GRIP1: variants seen among roughly 807,000 people sequenced by gnomAD.
GRIP1 encodes glutamate receptor-interacting protein 1.
GRIP1 carries 45 observed loss-of-function variants against 129.9 expected under a neutral mutation model. That is an observed-to-expected ratio of 0.35 (90% CI 0.27 to 0.44). The LOEUF is 0.44. Among genes scored for constraint, GRIP1 ranks in the 20% least tolerant of loss-of-function variants. GRIP1 has a pLI of 1.00. For synonymous variants in GRIP1, 530 were observed against 520.8 expected (o/e 1.02, Z -0.24); for missense variants, 1,196 against 1,396.8 (o/e 0.86, Z 2.29).
chr12:66,604,262 T>C (rs1176226590), intron 1 of GRIP1, among the ~76,000 whole-genome samples: 1 of 152,220 alleles, frequency 6.6e-6, no homozygotes, highest in Non-Finnish European at 1.5e-5. Flanking sequence ...GGGAAAGTAA[T>C]ATCTTTAGCC....
intron 15 of GRIP1, among the ~76,000 whole-genome samples, chr12:66,416,241 A>G (rs961104665): frequency 2.6e-5 from 4 of 152,192 alleles, no homozygotes; most frequent in Non-Finnish European, 4.4e-5. Context: ...ACTAAAGCCA[A>G]TGAGATACAG....
At chr12:66,485,095 A>G (rs1321747832) in intron 7 of GRIP1, among the ~76,000 whole-genome samples, 1 of 152,214 alleles carries the variant, frequency 6.6e-6, no homozygotes, top group African/African-American at 2.4e-5. Flanking sequence ...GCTTCAGCAG[A>G]TACTGTCAAA....
chr12:66,682,477 T>C (rs1300950093), upstream of GRIP1, among the ~76,000 whole-genome samples: 1 of 152,154 alleles, frequency 6.6e-6, no homozygotes, highest in Non-Finnish European at 1.5e-5. Flanking sequence ...AGGGGGTGGG[T>C]TGTGGTGTAT....
At chr12:66,565,009 G>A (rs563284512) in intron 2 of GRIP1, among the ~76,000 whole-genome samples, 24 of 152,290 alleles carry the variant, frequency 1.6e-4, no homozygotes, top group African/African-American at 5.5e-4. Context: ...ATTCTTTGTA[G>A]ATTCTGGATA....
intron 1 of GRIP1, chr12:66,891,768 AG>A (rs1275319113): frequency 6.6e-6 from 1 of 152,230 alleles, no homozygotes; most frequent in African/African-American, 2.4e-5. Context: ...CTGACAGATG[AG>A]GAGATGCCAT....
intron 1 of GRIP1, among the ~76,000 whole-genome samples, chr12:67,040,077 C>T (rs2043153156): frequency 6.6e-6 from 1 of 152,172 alleles, no homozygotes; most frequent in South Asian, 2.1e-4. Flanking sequence ...AGCCTCTACG[C>T]TGCTTTCGTC....
At chr12:66,508,818 C>A (rs962414241) in intron 7 of GRIP1, among the ~76,000 whole-genome samples, 2 of 152,216 alleles carry the variant, frequency 1.3e-5, no homozygotes, top group African/African-American at 4.8e-5. Flanking sequence ...TGGTTACTGA[C>A]TGCCGTCTGT....
chr12:66,781,717 A>C (rs919225543), intron 1 of GRIP1, among the ~76,000 whole-genome samples: 4 of 152,232 alleles, frequency 2.6e-5, no homozygotes, highest in African/African-American at 9.6e-5. Flanking sequence ...AGCATCACTG[A>C]GGTAGAAGAT....
At chr12:66,900,465 A>G (rs2040826579) in intron 1 of GRIP1, among the ~76,000 whole-genome samples, 1 of 152,114 alleles carries the variant, frequency 6.6e-6, no homozygotes, top group South Asian at 2.1e-4. Context: ...TTGATCTTGG[A>G]CTTCCTAGCC....
At chr12:66,798,571 T>C (rs2038767455) in intron 1 of GRIP1, among the ~76,000 whole-genome samples, 1 of 152,198 alleles carries the variant, frequency 6.6e-6, no homozygotes. Flanking sequence ...AGCTGGGATA[T>C]TGAAGAAGGA....
chr12:66,351,818 G>A (rs2054239702), intron 24 of GRIP1, among the ~76,000 whole-genome samples: 1 of 152,154 alleles, frequency 6.6e-6, no homozygotes, highest in African/African-American at 2.4e-5. Context: ...GAATCACTGG[G>A]GGAGGTGTAA....
intron 1 of GRIP1, among the ~76,000 whole-genome samples, chr12:66,888,300 A>G (rs1413893329): frequency 6.6e-6 from 1 of 151,924 alleles, no homozygotes; most frequent in East Asian, 1.9e-4. Flanking sequence ...GACTCAAGCA[A>G]TCATCTTACC....
At chr12:66,673,899 T>C (rs1251316001) in intron 1 of GRIP1, among the ~76,000 whole-genome samples, 1 of 152,200 alleles carries the variant, frequency 6.6e-6, no homozygotes, top group African/African-American at 2.4e-5. Flanking sequence ...GAAATATCTA[T>C]TAAGTGCATA....
In GRIP1 at chr12:66,728,606, T is replaced by C. The variant is rs541989048; in HGVS notation, c.-420+75447A>G. ...AGGTTCACAGGTACTTTTAAACCAT[T>C]ATACTCAGAAAAGAAACTGAGAATT... On this transcript the variant is annotated intron_variant, in intron 1 of 4. Coordinates refer to the GRIP1 transcript ENST00000538373. 2.0e-5 allele frequency among the ~76,000 whole-genome samples: 3 copies of C among 152,280 alleles called. No homozygotes were observed. In the South Asian group the frequency reaches 6.2e-4, roughly 32 times the overall value.
rs201531171 is a variant in GRIP1, at chr12:66,455,459, C to T, written c.1304G>A (p.Arg435His). 22 of 1,613,990 alleles carry T rather than the reference C, an allele frequency of 1.4e-5. No individual in the cohort carries two copies. The highest frequency in any genetic ancestry group is 1.6e-4 in the Middle Eastern group (1 of 6,084). Reference protein sequence around the residue: ...LPRSLYSTSPRGTMMRRRLKK... With the variant: ...LPRSLYSTSPHGTMMRRRLKK... ...CAGTCTCCTCCTCATCATGGTTCCACGTGGGCTGGTGGAGTAGAGGCTTCG... is the reference window on the plus strand; with the variant it reads ...CAGTCTCCTCCTCATCATGGTTCCATGTGGGCTGGTGGAGTAGAGGCTTCG... Residue 435 changes from arginine (R) to histidine (H), a missense_variant, in exon 11 of 25, where the codon CGT becomes CAT. By Grantham distance (29) the Arg-to-His change is conservative. Transcript: ENST00000359742.
At chr12:67,038,864 C>A (rs2043136123) in intron 1 of GRIP1, among the ~76,000 whole-genome samples, 1 of 152,122 alleles carries the variant, frequency 6.6e-6, no homozygotes, top group Non-Finnish European at 1.5e-5. Flanking sequence ...TATGATCAAT[C>A]AATAACTTAG....
chr12:66,842,736 T>A (rs1054534232), intron 1 of GRIP1, among the ~76,000 whole-genome samples: 3 of 152,188 alleles, frequency 2.0e-5, no homozygotes, highest in Non-Finnish European at 4.4e-5. Flanking sequence ...GTTGAGCATA[T>A]AATGGATACT....
chr12:66,526,113 T>C (rs2061227467), intron 5 of GRIP1, among the ~76,000 whole-genome samples: 1 of 151,994 alleles, frequency 6.6e-6, no homozygotes, highest in South Asian at 2.1e-4. Flanking sequence ...CCAAGGTAAT[T>C]TATAGATTCA....
rs35373698 is a variant in GRIP1 at position 66,539,545 on chromosome 12, C to CTTTTTTTT, written c.273-330_273-323dup. ...CACCATAAAACAAAATCAAGAGAAG[C>CTTTTTTTT]TTTTTTTTTTTTTTTTTTTTTTTTC... On this transcript the variant is annotated intron_variant, in intron 3 of 24. Transcript: ENST00000359742. Among the ~76,000 whole-genome samples the CTTTTTTTT allele has an allele frequency of 3.2e-3, 189 of 59,274 alleles. 2 individuals carry two copies. Among genetic ancestry groups the CTTTTTTTT allele is most frequent in the East Asian group, 7.1e-3 (12 of 1,690 alleles). 38.9% of individuals were successfully genotyped at this position (59,274 alleles called of 152,430 possible).
Sources: gnomAD v4.1 joint callset for allele counts (sites outside exome capture counted in the v4.1 genomes callset) on GRCh38, gnomAD v4.1.1 for gene constraint, MANE v1.5 for transcripts, NCBI Gene and HGNC (gene_info 2026-07-23, HGNC 2026-07-21) for gene names.